The following RXFP2 variants were observed in gnomAD, a reference collection of about 807,000 sequenced individuals.
RXFP2 encodes the protein relaxin receptor 2.
In RXFP2, 68 loss-of-function variants were observed where a neutral mutation model predicts 88.6. The ratio of observed to expected loss-of-function variants is 0.77; its 90% CI spans 0.63 to 0.94. The LOEUF (loss-of-function observed/expected upper bound fraction) is 0.94, where lower values mean the gene tolerates loss of function less well. Ranked by LOEUF, RXFP2 falls within the 40% of genes least tolerant of loss-of-function variation. The pLI, the probability that RXFP2 is intolerant of heterozygous loss-of-function variation, is 0.00. For missense variants in RXFP2, 791 were observed against 893.9 expected (o/e 0.88, Z 1.47); for synonymous variants, 329 against 306.8 (o/e 1.07, Z -0.76).
intron 1 of RXFP2, among the ~76,000 whole-genome samples, chr13:31,746,090 G>T (rs1871401941): frequency 6.6e-6 from 1 of 152,142 alleles, no homozygotes; most frequent in Admixed American, 6.5e-5. Flanking sequence ...GAGTTTCCAA[G>T]AACCACTTGT....
At chr13:31,753,722 C>T (rs1417371632) in intron 1 of RXFP2, among the ~76,000 whole-genome samples, 1 of 152,062 alleles carries the variant, frequency 6.6e-6, no homozygotes, top group African/African-American at 2.4e-5. Context: ...GCATGGAAGA[C>T]TAAAAAATAA....
chr13:31,795,714 C>G (rs895270464), intron 16 of RXFP2, among the ~76,000 whole-genome samples: 2 of 151,982 alleles, frequency 1.3e-5, no homozygotes, highest in African/African-American at 4.8e-5. Flanking sequence ...AGTCTAGGTT[C>G]AGATTCATAT....
Position 31,777,523 on chromosome 13 carries a change from T to C in RXFP2, c.713+76T>C, listed in dbSNP as rs116512879. The C allele has an allele frequency of 1.0e-3, 1,147 of 1,150,628 alleles. 7 individuals are homozygous for C. The African/African-American group carries it at 0.016, about 16-fold the overall frequency. The allele number at this position is 1,150,628 out of a possible 1,614,324, so 71.3% of individuals were successfully genotyped here. A position where few individuals can be genotyped will look rare whatever the true frequency, so the allele number is the denominator to read the frequency against. Reference sequence around the variant, plus strand: ...TCTAGCACTAGCTTACAAAAAGAACTTTTAAAAAAATCAAGCCCACAAAAA... The same window carrying C: ...TCTAGCACTAGCTTACAAAAAGAACCTTTAAAAAAATCAAGCCCACAAAAA... On this transcript the variant is annotated intron_variant, in intron 8 of 17. Coordinates refer to ENST00000298386, the MANE Select transcript of RXFP2 (RefSeq NM_130806.5).
chr13:31,745,602 G>C (rs1871376567), intron 1 of RXFP2, among the ~76,000 whole-genome samples: 1 of 152,186 alleles, frequency 6.6e-6, no homozygotes, highest in African/African-American at 2.4e-5. Flanking sequence ...TGTTTCTGCA[G>C]TCCCGGCTCC....
At chr13:31,760,962 T>C (rs1872275151) in intron 2 of RXFP2, among the ~76,000 whole-genome samples, 1 of 152,142 alleles carries the variant, frequency 6.6e-6, no homozygotes, top group Non-Finnish European at 1.5e-5. Flanking sequence ...CCTTTATTTA[T>C]TTATTTATTT....
intron 1 of RXFP2, among the ~76,000 whole-genome samples, chr13:31,751,882 C>T (rs1354741254): frequency 6.6e-6 from 1 of 152,184 alleles, no homozygotes; most frequent in Non-Finnish European, 1.5e-5. Flanking sequence ...AGTCTCTCAA[C>T]TCATGCAGAA....
In RXFP2 at chr13:31,782,690, A is replaced by G. The variant is rs1481007830; in HGVS notation, c.872A>G (p.Asn291Ser). 1.9e-6 allele frequency: 3 copies of G among 1,611,912 alleles called. No homozygotes were observed. Among genetic ancestry groups the G allele is most frequent in the African/African-American group, 1.3e-5 (1 of 74,888 alleles). ...ATGTCTTACAGGTTTCTGCCTAGAA[A>G]TCAAATTGGTTTTGTTCCAGAGAAG... is the stretch of plus-strand genomic sequence containing the variant. Reference protein sequence around the residue: ...DSLTVLFLPRNQIGFVPEKTF... With the variant: ...DSLTVLFLPRSQIGFVPEKTF... The change falls in exon 11 of 18, where the codon AAT becomes AGT. Residue 291 changes from asparagine (N) to serine (S), a missense_variant. Asn to Ser is a conservative substitution (Grantham distance 46, BLOSUM62 1). Transcript: ENST00000298386.
chr13:31,791,555 A>G (rs907866945), intron 14 of RXFP2, among the ~76,000 whole-genome samples: 3 of 152,222 alleles, frequency 2.0e-5, no homozygotes, highest in Admixed American at 6.5e-5. Flanking sequence ...TGAGATTTCA[A>G]ATTTTCATGT....
At chr13:31,746,221 T>C (rs953924398) in intron 1 of RXFP2, among the ~76,000 whole-genome samples, 1 of 152,222 alleles carries the variant, frequency 6.6e-6, no homozygotes, top group Non-Finnish European at 1.5e-5. Context: ...ACCTGTTCAA[T>C]GGATCATACA....
rs746633930 is a variant in RXFP2 at position 31,758,412 on chromosome 13, C to A, written c.241+8C>A. On this transcript the variant is annotated splice_region_variant and intron_variant, in intron 2 of 17. Coordinates refer to ENST00000298386, the MANE Select transcript of RXFP2 (RefSeq NM_130806.5). ...CGGACGAAGAGAACTGTGGTGAGTG[C>A]TCCCCTCGGCTCCCCATGTGTGCCT... 2.5e-6 allele frequency: 4 copies of A among 1,613,916 alleles called. No individual in the cohort carries two copies. In the South Asian group the frequency reaches 4.4e-5, roughly 18 times the overall value.
chr13:31,771,521 T>C (rs1360638248), intron 5 of RXFP2, among the ~76,000 whole-genome samples: 5 of 152,164 alleles, frequency 3.3e-5, no homozygotes, highest in Non-Finnish European at 5.9e-5. Context: ...CCAGGCACAG[T>C]GGCTCAAGCC....
intron 1 of RXFP2, among the ~76,000 whole-genome samples, chr13:31,756,227 G>A (rs541390409): frequency 6.6e-6 from 1 of 152,224 alleles, no homozygotes; most frequent in Non-Finnish European, 1.5e-5. Context: ...CTACAAGGCA[G>A]CATTTGCTTG....
At chr13:31,773,029 C>G (rs1311838487) in intron 5 of RXFP2, among the ~76,000 whole-genome samples, 1 of 152,126 alleles carries the variant, frequency 6.6e-6, no homozygotes, top group Non-Finnish European at 1.5e-5. Context: ...GTATTTTGCT[C>G]TTTTTCTATT....
chr13:31,758,046 C>T lies in RXFP2; in HGVS notation c.95-212C>T, dbSNP rs569148831. 3.9e-5 allele frequency among the ~76,000 whole-genome samples: 6 copies of T among 152,034 alleles called. No homozygotes were observed. In the East Asian group the frequency reaches 1.2e-3, roughly 29 times the overall value. ...GGCAGAGGTCACAGTGAGCTGAGAT[C>T]GTGCACTCCAGCCTGGCAACAGAGC... On this transcript the variant is annotated intron_variant, in intron 1 of 17. Transcript: ENST00000298386.
chr13:31,785,998 G>A lies in RXFP2; in HGVS notation c.930-385G>A, dbSNP rs566626245. Among the ~76,000 whole-genome samples the A allele has an allele frequency of 5.1e-4, 77 of 152,314 alleles. 1 individual carries two copies. The highest frequency in any genetic ancestry group is 1.6e-4 in the Non-Finnish European group (11 of 68,032). ...AATCAAAGATGCAAGACTTGACCTC[G>A]AAAAGTGTAGTTGGATAAACAAGAG... On this transcript the variant is annotated intron_variant, in intron 11 of 17. Transcript: ENST00000298386.
chr13:31,788,664 T>C (rs1350428041), intron 13 of RXFP2, among the ~76,000 whole-genome samples: 1 of 152,142 alleles, frequency 6.6e-6, no homozygotes, highest in Non-Finnish European at 1.5e-5. Flanking sequence ...CTTGCTACCT[T>C]CATGGTTTTC....
chr13:31,753,247 C>T (rs918819183), intron 1 of RXFP2, among the ~76,000 whole-genome samples: 2 of 152,166 alleles, frequency 1.3e-5, no homozygotes, highest in African/African-American at 4.8e-5. Context: ...AGATGATTCT[C>T]ACCTGTTGTT....
chr13:31,742,131 A>G (rs1158342249), intron 1 of RXFP2, among the ~76,000 whole-genome samples: 3 of 152,246 alleles, frequency 2.0e-5, no homozygotes, highest in African/African-American at 7.2e-5. Context: ...GAACCATATT[A>G]CAAATCAAAA....
chr13:31,796,619 T>C (rs144616227), intron 16 of RXFP2, among the ~76,000 whole-genome samples: 5 of 152,300 alleles, frequency 3.3e-5, no homozygotes, highest in African/African-American at 1.2e-4. Context: ...TAGAAGTCTA[T>C]AATTCCTCAT....
Sources: gnomAD v4.1 joint callset for allele counts (sites outside exome capture counted in the v4.1 genomes callset) on GRCh38, gnomAD v4.1.1 for gene constraint, MANE v1.5 for transcripts, NCBI Gene and HGNC (gene_info 2026-07-23, HGNC 2026-07-21) for gene names.